DGKH: variants seen among roughly 807,000 people sequenced by gnomAD.
The protein encoded by DGKH is DAG kinase eta.
Under a neutral mutation model 159.3 loss-of-function variants are expected in DGKH, and 90 were observed. The ratio of observed to expected loss-of-function variants is 0.57; its 90% CI spans 0.48 to 0.67. The LOEUF (loss-of-function observed/expected upper bound fraction) is 0.67, where lower values mean the gene tolerates loss of function less well. Ranked by LOEUF, DGKH falls within the 30% of genes least tolerant of loss-of-function variation. The pLI is 0.00. For synonymous variants in DGKH, 536 were observed against 553.8 expected, an observed-to-expected ratio of 0.97 and a Z score of 0.45; for missense variants, 1,181 against 1,506.1, an observed-to-expected ratio of 0.78 and a Z score of 3.57.
chr13:42,047,022 A>G (rs1383070458), upstream of DGKH, among the ~76,000 whole-genome samples: 4 of 152,252 alleles, frequency 2.6e-5, no homozygotes, highest in African/African-American at 9.6e-5. Context: ...AAGAATTTCC[A>G]GAAATATGTT....
chr13:42,063,218 G>A (rs1882309085), intron 1 of DGKH, among the ~76,000 whole-genome samples: 1 of 152,104 alleles, frequency 6.6e-6, no homozygotes, highest in African/African-American at 2.4e-5. Context: ...ATATCTGGAG[G>A]AAGAGCAGAG....
chr13:42,210,578 C>T lies in DGKH; in HGVS notation c.2851-24C>T, dbSNP rs373025381. 73 of 1,601,494 alleles carry T rather than the reference C, an allele frequency of 4.6e-5. 1 individual carries two copies. Among genetic ancestry groups the T allele is most frequent in the South Asian group, 2.9e-4 (26 of 89,228 alleles). ...ACCTCTGAGTTCTAAACTAACAATT[C>T]GTTACAATATTGACTTTAAATAGGC... On this transcript the variant is annotated intron_variant, in intron 23 of 29. Transcript: ENST00000337343.
chr13:42,172,108 A>G (rs534085823), intron 11 of DGKH, among the ~76,000 whole-genome samples: 9 of 139,700 alleles, frequency 6.4e-5, no homozygotes, highest in Admixed American at 1.5e-4. Flanking sequence ...GATTATAGGC[A>G]TGAGCCACCA....
At chr13:42,217,632 ATAT>A (rs1160501201) in intron 26 of DGKH, among the ~76,000 whole-genome samples, 1 of 152,170 alleles carries the variant, frequency 6.6e-6, no homozygotes, top group African/African-American at 2.4e-5. Context: ...AATAACAGTA[ATAT>A]TATCTCTGAA....
intron 1 of DGKH, among the ~76,000 whole-genome samples, chr13:42,105,047 G>A (rs1334175296): frequency 1.4e-5 from 2 of 144,446 alleles, no homozygotes; most frequent in African/African-American, 5.1e-5. Context: ...ATGTATGTAT[G>A]TGTAGTTTTA....
intron 16 of DGKH, among the ~76,000 whole-genome samples, chr13:42,191,790 C>G (rs1002479492): frequency 6.6e-6 from 1 of 151,890 alleles, no homozygotes; most frequent in Non-Finnish European, 1.5e-5. Flanking sequence ...ATAAGTAAAA[C>G]GTAAACTTAA....
Position 42,198,607 on chromosome 13 carries a change from CT to C in DGKH, c.2285+16del. Reference sequence around the variant, plus strand: ...GATCTAGATTCCGTGTAAGAAAATGCTTTTGCAAATATTTTGTTTGGGTTTT... The same window carrying C: ...GATCTAGATTCCGTGTAAGAAAATGCTTTGCAAATATTTTGTTTGGGTTTT... On this transcript the variant is annotated intron_variant, in intron 18 of 29. Transcript: ENST00000337343. 1 of 1,584,822 alleles carries C rather than the reference CT, an allele frequency of 6.3e-7. No individual in the cohort carries two copies. The highest frequency in any genetic ancestry group is 8.6e-7 in the Non-Finnish European group (1 of 1,167,240).
At chr13:42,254,015 T>C (rs1428056542) in intron 30 of DGKH, among the ~76,000 whole-genome samples, 1 of 151,608 alleles carries the variant, frequency 6.6e-6, no homozygotes, top group African/African-American at 2.4e-5. Context: ...AAAAAGTATA[T>C]TAATTGCTTA....
intron 1 of DGKH, among the ~76,000 whole-genome samples, chr13:42,118,297 C>G (rs946237810): frequency 6.6e-6 from 1 of 152,158 alleles, no homozygotes; most frequent in Non-Finnish European, 1.5e-5. Flanking sequence ...CAGCGCTTTC[C>G]CGTTTTCTAA....
chr13:42,095,277 C>T (rs1366748592), intron 1 of DGKH, among the ~76,000 whole-genome samples: 1 of 149,746 alleles, frequency 6.7e-6, no homozygotes, highest in Non-Finnish European at 1.5e-5. Context: ...ATTCTCCTGC[C>T]TCAGCCTCCT....
intron 1 of DGKH, chr13:42,071,177 T>C: frequency 1.9e-6 from 1 of 534,402 alleles, no homozygotes; most frequent in Non-Finnish European, 3.3e-6. Context: ...AAAGGAAAGA[T>C]CTTTCAAAAA....
intron 1 of DGKH, chr13:42,069,092 A>C: frequency 7.1e-7 from 1 of 1,407,404 alleles, no homozygotes; most frequent in South Asian, 1.2e-5. Flanking sequence ...CTTATTAAAG[A>C]GGAACTCCTC....
At position 42,083,033 on chromosome 13, in the gene DGKH, A is replaced by G. The variant is rs74050268; in HGVS notation, c.192+34068A>G. ...CTTCCTGTTTTTGGTTTTTAGGAAA[A>G]AAGCTAGAAAATCCAACTTCAGCTA... On this transcript the variant is annotated intron_variant, in intron 1 of 29. Coordinates refer to ENST00000337343, the MANE Select transcript of DGKH (RefSeq NM_178009.5). Among the ~76,000 whole-genome samples the G allele has an allele frequency of 6.4e-3, 981 of 152,310 alleles. 11 individuals are homozygous for G. Among genetic ancestry groups the G allele is most frequent in the African/African-American group, 0.022 (905 of 41,552 alleles).
At chr13:42,129,244 C>T (rs1031569130) in intron 2 of DGKH, among the ~76,000 whole-genome samples, 1 of 152,164 alleles carries the variant, frequency 6.6e-6, no homozygotes, top group African/African-American at 2.4e-5. Context: ...TTGCATTGTG[C>T]ATGTGTATGC....
rs904482681 is a variant in DGKH, at chr13:42,175,955, G to A, written c.1452+1811G>A. On this transcript the variant is annotated intron_variant, in intron 12 of 29. Coordinates refer to ENST00000337343, the MANE Select transcript of DGKH (RefSeq NM_178009.5). ...CTTTGGCTATAAAACAGGACAGAGGGGTAAATATATACAGAGTGCTTAATT... is the reference window on the plus strand; with the variant it reads ...CTTTGGCTATAAAACAGGACAGAGGAGTAAATATATACAGAGTGCTTAATT... Among the ~76,000 whole-genome samples, 24 of 152,042 alleles carry A rather than the reference G, an allele frequency of 1.6e-4. 1 individual carries two copies. Among genetic ancestry groups the A allele is most frequent in the Admixed American group, 6.6e-5 (1 of 15,262 alleles).
intron 20 of DGKH, among the ~76,000 whole-genome samples, chr13:42,201,802 G>A (rs555212476): frequency 2.4e-4 from 37 of 152,034 alleles, no homozygotes; most frequent in African/African-American, 6.3e-4. Flanking sequence ...CATCGTTACC[G>A]TATCAAATAA....
intron 1 of DGKH, among the ~76,000 whole-genome samples, chr13:42,090,991 A>G (rs1017135434): frequency 2.6e-5 from 4 of 152,242 alleles, no homozygotes; most frequent in Non-Finnish European, 5.9e-5. Flanking sequence ...CCTCACCAAC[A>G]CTGAACCTGC....
chr13:42,249,222 A>T (rs1445427195), intron 29 of DGKH, among the ~76,000 whole-genome samples: 1 of 152,110 alleles, frequency 6.6e-6, no homozygotes, highest in Non-Finnish European at 1.5e-5. Flanking sequence ...AAAAATACAA[A>T]GATTAGCTCT....
At chr13:42,063,535 A>G (rs1189751638) in intron 1 of DGKH, among the ~76,000 whole-genome samples, 1 of 152,234 alleles carries the variant, frequency 6.6e-6, no homozygotes, top group African/African-American at 2.4e-5. Context: ...ATCAGCATCT[A>G]AAACAAACCC....
Sources: gnomAD v4.1 joint callset for allele counts (sites outside exome capture counted in the v4.1 genomes callset) on GRCh38, gnomAD v4.1.1 for gene constraint, MANE v1.5 for transcripts, NCBI Gene and HGNC (gene_info 2026-07-23, HGNC 2026-07-21) for gene names.